SNRPN: variants seen among roughly 807,000 people sequenced by gnomAD.
SNRPN encodes the protein small nuclear ribonucleoprotein polypeptide N, also known as small nuclear ribonucleoprotein-associated protein N.
Under a neutral mutation model 25.2 loss-of-function variants are expected in SNRPN, and 7 were observed. The ratio of observed to expected loss-of-function variants is 0.28; its 90% CI spans 0.16 to 0.52. The LOEUF (loss-of-function observed/expected upper bound fraction) is 0.52, where lower values mean the gene tolerates loss of function less well. SNRPN is among the 20% of genes least tolerant of loss of function. The pLI is 0.96. For synonymous variants in SNRPN, 124 were observed against 110.6 expected (o/e 1.12, Z -0.76); for missense variants, 196 against 322.5 (o/e 0.61, Z 3.00).
chr15:24,945,273 A>G (rs2061804542), intron 3 of SNRPN, among the ~76,000 whole-genome samples: 1 of 150,684 alleles, frequency 6.6e-6, no homozygotes. Context: ...TAATGTTCAC[A>G]TCATAAAATA....
intron 2 of SNRPN, among the ~76,000 whole-genome samples, chr15:24,918,871 ATG>A (rs1461360434): frequency 7.8e-6 from 1 of 129,008 alleles, no homozygotes; most frequent in Non-Finnish European, 1.6e-5. Context: ...CAATATATAT[ATG>A]TGCATATATA....
chr15:24,909,635 T>C, intron 2 of SNRPN: 4 of 1,234,456 alleles, frequency 3.2e-6, no homozygotes, highest in South Asian at 2.4e-5. Flanking sequence ...ATAAGCAATC[T>C]GACAAATGAT....
chr15:24,904,936 C>A (rs1231813303), intron 2 of SNRPN, among the ~76,000 whole-genome samples: 1 of 132,374 alleles, frequency 7.6e-6, no homozygotes, highest in Non-Finnish European at 1.6e-5. Flanking sequence ...GGGCAAGACT[C>A]CGTCTCAAAA....
chr15:24,978,227 C>T lies in SNRPN; in HGVS notation c.594C>T (p.Pro198=), dbSNP rs767568767. Residue 198 remains proline, a synonymous_variant, in exon 9 of 10, where the codon CCC becomes CCT. Coordinates refer to ENST00000390687, the MANE Select transcript of SNRPN (RefSeq NM_003097.6). The part of the protein sequence containing the change: ...IMAPPPGMRP[P]MGPPIGLPPA... ...CTCCTCCACCTGGTATGAGACCACC[C>T]ATGGGCCCACCAATTGGGCTTCCCC... 6.2e-7 allele frequency: 1 copy of T among 1,614,002 alleles called. No individual in the cohort carries two copies. The highest frequency in any genetic ancestry group is 8.5e-7 in the Non-Finnish European group (1 of 1,179,888).
At chr15:24,957,436 GCTA>G (rs2063113447) in intron 1 of SNRPN, among the ~76,000 whole-genome samples, 1 of 152,226 alleles carries the variant, frequency 6.6e-6, no homozygotes, top group African/African-American at 2.4e-5. Flanking sequence ...TGAAGTTGGA[GCTA>G]CTACAAAAAT....
rs893589785 is a variant in SNRPN, at chr15:24,929,772, T to C, written c.-391+9648T>C. Among the ~76,000 whole-genome samples, 1 of 152,248 alleles carries C rather than the reference T, an allele frequency of 6.6e-6. No individual in the cohort carries two copies. Among genetic ancestry groups the C allele is most frequent in the African/African-American group, 2.4e-5 (1 of 41,470 alleles). ...AGCAGGGTCCATGTGATGATTTTTC[T>C]GTCAGTATCAGTTTCTGCAAGAGCA... On this transcript the variant is annotated intron_variant, in intron 3 of 11. Coordinates refer to the SNRPN transcript ENST00000400097. This position sits in a 1 kb window ranked among gnomAD's most constrained non-coding sequence, Gnocchi z 5.3.
intron 3 of SNRPN, among the ~76,000 whole-genome samples, chr15:24,920,314 C>T (rs1444349078): frequency 6.6e-6 from 1 of 152,078 alleles, no homozygotes; most frequent in Admixed American, 6.6e-5. Context: ...AATTATTTCC[C>T]CATTTTTTGG....
chr15:24,832,878 G>A (rs925264311), intron 2 of SNRPN, among the ~76,000 whole-genome samples: 11 of 151,792 alleles, frequency 7.2e-5, no homozygotes, highest in South Asian at 4.2e-4. Context: ...AGGCCGAGGC[G>A]GGCGGACCAC....
In SNRPN at chr15:24,978,598, TA is replaced by T. The variant is rs922542864; in HGVS notation, c.*155del. The T allele has an allele frequency of 2.3e-5, 17 of 741,024 alleles. No individual in the cohort carries two copies. Among genetic ancestry groups the T allele is most frequent in the Non-Finnish European group, 3.9e-5 (17 of 439,970 alleles). The allele number at this position is 741,024 out of a possible 1,614,324, so 45.9% of individuals were successfully genotyped here. ...TTAAACTGTGAGGTACTGTTGTATA[TA>T]TTTTTTTGCCTGTTGATTTTGATGA... On this transcript the variant is annotated 3_prime_UTR_variant, in exon 10 of 10. Coordinates refer to ENST00000390687, the MANE Select transcript of SNRPN (RefSeq NM_003097.6).
Position 24,948,302 on chromosome 15 carries a change from C to T in SNRPN, c.-390-13812C>T, listed in dbSNP as rs1003229319. 3.9e-5 allele frequency among the ~76,000 whole-genome samples: 6 copies of T among 151,982 alleles called. No homozygotes were observed. In the East Asian group the frequency reaches 5.8e-4, roughly 15 times the overall value. ...TTAATTTTTGTATTTTTAGTATAGACGGGGTTTCATCATGTTGGCCAGGAT... is the reference window on the plus strand; with the variant it reads ...TTAATTTTTGTATTTTTAGTATAGATGGGGTTTCATCATGTTGGCCAGGAT... On this transcript the variant is annotated intron_variant, in intron 3 of 11. Transcript: ENST00000400097.
chr15:24,824,282 G>A (rs34535284), intron 1 of SNRPN, among the ~76,000 whole-genome samples: 35,936 of 151,974 alleles, frequency 0.24, 4,808 homozygotes, highest in Non-Finnish European at 0.29. Context: ...AATTTGTGTA[G>A]ACAGAACACT....
intron 2 of SNRPN, chr15:24,909,256 T>C: frequency 6.3e-7 from 1 of 1,591,874 alleles, no homozygotes; most frequent in East Asian, 2.2e-5. Flanking sequence ...CTGCATTAAA[T>C]TCCTTGCTTT....
Position 24,974,308 on chromosome 15 carries a change from C to A in SNRPN, c.-143-3C>A. 1 of 732,964 alleles carries A rather than the reference C, an allele frequency of 1.4e-6. No individual in the cohort carries two copies. The allele number at this position is 732,964 out of a possible 1,614,324, so 45.4% of individuals were successfully genotyped here. ...TGCAGCTTTAACATGCTTTCCTCTG[C>A]AGGCTCCATCTACTCTTTGAAGCTT... On this transcript the variant is annotated splice_polypyrimidine_tract_variant and splice_region_variant and intron_variant, in intron 3 of 9. Transcript: ENST00000390687.
At position 24,881,526 on chromosome 15, in the gene SNRPN, CGAGAGA is replaced by C. The variant is rs758798894; in HGVS notation, c.-578-4966_-578-4961del. On this transcript the variant is annotated intron_variant, in intron 1 of 11. Transcript: ENST00000400097. ...AGCCTGGGCAACAAGAGCGAAACTCCGAGAGAGAGAGAGAGAGAGAGAGAGAGAGGG... is the reference window on the plus strand; with the variant it reads ...AGCCTGGGCAACAAGAGCGAAACTCCGAGAGAGAGAGAGAGAGAGAGAGGG... 7.3e-3 allele frequency among the ~76,000 whole-genome samples: 526 copies of C among 72,166 alleles called. 7 individuals are homozygous for C. The highest frequency in any genetic ancestry group is 0.026 in the African/African-American group (487 of 18,678). The allele number at this position is 72,166 out of a possible 152,430, so 47.3% of individuals were successfully genotyped here. A position where few individuals can be genotyped will look rare whatever the true frequency, so the allele number is the denominator to read the frequency against.
chr15:24,922,371 T>C (rs1001968004), intron 3 of SNRPN, among the ~76,000 whole-genome samples: 2 of 152,204 alleles, frequency 1.3e-5, no homozygotes, highest in Non-Finnish European at 2.9e-5. Flanking sequence ...GTCTACTACC[T>C]TGAACCCAGA....
intron 1 of SNRPN, among the ~76,000 whole-genome samples, chr15:24,859,952 C>T (rs1161413267): frequency 6.6e-6 from 1 of 152,172 alleles, no homozygotes; most frequent in African/African-American, 2.4e-5. Flanking sequence ...TAGCCGGCCT[C>T]TTTACTGCAG....
chr15:24,903,831 G>C (rs369146607), intron 2 of SNRPN, among the ~76,000 whole-genome samples: 16 of 152,150 alleles, frequency 1.1e-4, no homozygotes, highest in African/African-American at 3.9e-4. Flanking sequence ...CCAGGAGTTC[G>C]AGACCAGCTT....
At position 24,873,450 on chromosome 15, in the gene SNRPN, GTC is replaced by G. The variant is rs201407044; in HGVS notation, c.-578-13060_-578-13059del. The stretch of plus-strand genomic sequence containing the variant: ...CAAGCAATTCTCCTGCAAATATTTT[GTC>G]TCTCTTTTTTTTTGAGACAAAGTCT... On this transcript the variant is annotated intron_variant, in intron 1 of 11. Transcript: ENST00000400097. Among the ~76,000 whole-genome samples the G allele has an allele frequency of 8.6e-4, 90 of 104,214 alleles. 19 individuals carry two copies. The highest frequency in any genetic ancestry group is 1.5e-3 in the Non-Finnish European group (79 of 51,368). The allele number at this position is 104,214 out of a possible 152,430, so 68.4% of individuals were successfully genotyped here.
At chr15:24,956,283 G>C (rs1039858978) in intron 1 of SNRPN, among the ~76,000 whole-genome samples, 3 of 150,464 alleles carry the variant, frequency 2.0e-5, no homozygotes, top group African/African-American at 4.9e-5. Flanking sequence ...TCTGTGTTGC[G>C]TCACTGCCAT....
Sources: allele counts gnomAD v4.1 joint callset (sites outside exome capture counted in the v4.1 genomes callset), GRCh38; gene constraint gnomAD v4.1.1; non-coding constraint Gnocchi (gnomAD v3.1); transcripts MANE v1.5; gene names NCBI Gene and HGNC (gene_info 2026-07-23, HGNC 2026-07-21).